Variants in VPS13C observed in about 807,000 individuals in gnomAD.
VPS13C encodes intermembrane lipid transfer protein VPS13C.
VPS13C carries 358 observed loss-of-function variants against 456.8 expected under a neutral mutation model. The observed-to-expected ratio is 0.78, with a 90% CI of 0.72 to 0.86. The LOEUF (loss-of-function observed/expected upper bound fraction) is 0.86, where lower values mean the gene tolerates loss of function less well. VPS13C is among the 40% of genes least tolerant of loss of function. The probability of loss-of-function intolerance (pLI) is 0.00; values close to 1 mark genes in which losing one functional copy is unlikely to be tolerated. For synonymous variants in VPS13C, 1,578 were observed against 1,486.7 expected, an observed-to-expected ratio of 1.06 and a Z score of -1.41; for missense variants, 4,818 against 4,385.4, an observed-to-expected ratio of 1.10 and a Z score of -2.79.
intron 83 of VPS13C, among the ~76,000 whole-genome samples, chr15:61,855,278 C>A (rs888238834): frequency 1.3e-5 from 2 of 152,154 alleles, no homozygotes; most frequent in African/African-American, 2.4e-5. Flanking sequence ...TCCTTCATTT[C>A]TTTGGCTGAT....
chr15:62,017,319 G>A (rs2047291909), intron 9 of VPS13C, among the ~76,000 whole-genome samples: 1 of 152,092 alleles, frequency 6.6e-6, no homozygotes, highest in Admixed American at 6.6e-5. Context: ...TTTGGCTTTT[G>A]TTGCCATTGC....
intron 18 of VPS13C, among the ~76,000 whole-genome samples, chr15:61,989,672 T>A (rs28810829): frequency 0.067 from 10,148 of 152,170 alleles, 666 homozygotes; most frequent in African/African-American, 0.17. Context: ...CAAAACCTCT[T>A]TAGTCATCCA....
chr15:61,961,812 C>T lies in VPS13C; in HGVS notation c.3685G>A (p.Val1229Met), dbSNP rs766371434. ...AAACTCCTCTGGGCAAGATCTTTCACACTTGTGGCAGCCCTTTCTGCAGCC... is the reference window on the plus strand; with the variant it reads ...AAACTCCTCTGGGCAAGATCTTTCATACTTGTGGCAGCCCTTTCTGCAGCC... ...AQAAERAATS[V>M]KDLAQRSFRV... The change falls in exon 35 of 85, where the codon GTG (valine) becomes ATG (methionine). Residue 1229 changes from valine to methionine, a missense_variant. Physicochemically the swap from Val to Met is conservative, Grantham distance 21. Transcript: ENST00000644861. The T allele has an allele frequency of 6.2e-7, 1 of 1,613,954 alleles. No homozygotes were observed. Among genetic ancestry groups the T allele is most frequent in the Non-Finnish European group, 8.5e-7 (1 of 1,179,972 alleles).
intron 9 of VPS13C, among the ~76,000 whole-genome samples, chr15:62,016,025 CTCTT>C (rs1457181315): frequency 2.1e-5 from 3 of 144,120 alleles, no homozygotes; most frequent in East Asian, 4.3e-4. Context: ...CTTCAGCTCT[CTCTT>C]TTTCTTTATT....
At chr15:61,985,068 A>C (rs1399321673) in intron 18 of VPS13C, 69 bp from the exon 19 acceptor site, 3 of 1,217,868 alleles carry the variant, frequency 2.5e-6, no homozygotes, top group East Asian at 3.0e-5. Flanking sequence ...ATAATTTCTT[A>C]TTTAAATTTG....
chr15:61,877,337 ATTCT>A (rs1196934816), intron 74 of VPS13C, among the ~76,000 whole-genome samples: 1 of 151,482 alleles, frequency 6.6e-6, no homozygotes, highest in Non-Finnish European at 1.5e-5. Context: ...CGCACTTAGA[ATTCT>A]TTCTTTTATA....
chr15:61,961,976 G>C (rs1007549732), intron 34 of VPS13C, 83 bp from the exon 35 acceptor site: 3 of 1,435,558 alleles, frequency 2.1e-6, no homozygotes, highest in Admixed American at 5.0e-5. Flanking sequence ...TCATACATGT[G>C]GTAACTTTTT....
chr15:61,867,998 T>C lies in VPS13C; in HGVS notation c.10863+661A>G, dbSNP rs1027023983. Reference sequence around the variant, plus strand: ...ATAAAGTTAGAAGCATGCAGAAAGATAGATAAAACGTAATCATATACAATA... The same window carrying C: ...ATAAAGTTAGAAGCATGCAGAAAGACAGATAAAACGTAATCATATACAATA... On this transcript the variant is annotated intron_variant, in intron 81 of 84. Transcript: ENST00000644861. The surrounding 1 kb of genome is among the most constrained non-coding windows in gnomAD (Gnocchi z 5.0). The C allele has an allele frequency of 2.3e-5, 28 of 1,239,334 alleles. No individual in the cohort carries two copies. The highest frequency in any genetic ancestry group is 2.9e-5 in the Non-Finnish European group (25 of 847,946). 76.8% of individuals were successfully genotyped at this position (1,239,334 alleles called of 1,614,324 possible).
chr15:61,967,263 CTG>C (rs2045406135), intron 29 of VPS13C, 103 bp downstream of exon 29: 4 of 908,166 alleles, frequency 4.4e-6, no homozygotes, highest in Non-Finnish European at 5.0e-6. Context: ...TAATTAGAAA[CTG>C]TGATACACAT....
intron 25 of VPS13C, 66 bp from the exon 26 acceptor site, chr15:61,973,598 G>A: frequency 8.5e-7 from 1 of 1,183,236 alleles, no homozygotes; most frequent in Non-Finnish European, 1.3e-6. Context: ...TCATAAATGA[G>A]AGGAAGACTA....
Position 62,060,408 on chromosome 15 carries a change from G to T in VPS13C, c.-34C>A, listed in dbSNP as rs372165482. ...TGAGGCACAAGGAGAGGGAGGAGCC[G>T]GAACCGCCCGGCGCAGCTGAGGGCT... On this transcript the variant is annotated 5_prime_UTR_variant, in exon 1 of 85. Coordinates refer to ENST00000644861, the MANE Select transcript of VPS13C (RefSeq NM_020821.3). 9 of 1,171,428 alleles carry T rather than the reference G, an allele frequency of 7.7e-6. No homozygotes were observed. Among genetic ancestry groups the T allele is most frequent in the African/African-American group, 3.2e-5 (2 of 62,970 alleles). 72.6% of individuals were successfully genotyped at this position (1,171,428 alleles called of 1,614,324 possible).
chr15:62,036,195 G>A (rs1391862605), intron 3 of VPS13C, among the ~76,000 whole-genome samples: 1 of 151,754 alleles, frequency 6.6e-6, no homozygotes, highest in Admixed American at 6.6e-5. Context: ...AGATTTTCAG[G>A]AGAAAAGAAT....
chr15:61,911,461 A>G (rs1200389688), intron 63 of VPS13C, among the ~76,000 whole-genome samples: 1 of 152,202 alleles, frequency 6.6e-6, no homozygotes, highest in Non-Finnish European at 1.5e-5. Flanking sequence ...CCTATAACTT[A>G]GGATGTGCTA....
intron 1 of VPS13C, among the ~76,000 whole-genome samples, chr15:62,045,896 G>GT (rs1317506027): frequency 6.6e-6 from 1 of 152,042 alleles, no homozygotes; most frequent in Non-Finnish European, 1.5e-5. Flanking sequence ...AGAATATTGA[G>GT]TTTTTTAAAA....
intron 47 of VPS13C, 73 bp from the exon 48 acceptor site, chr15:61,936,823 T>C: frequency 7.0e-7 from 1 of 1,426,314 alleles, no homozygotes; most frequent in South Asian, 1.5e-5. Flanking sequence ...TATCTCGATT[T>C]GTGGTTTTTC....
intron 13 of VPS13C, among the ~76,000 whole-genome samples, chr15:62,009,618 C>T (rs2046975183): frequency 6.6e-6 from 1 of 152,034 alleles, no homozygotes; most frequent in Admixed American, 6.6e-5. Context: ...TTTCTTTTTA[C>T]ATTGTTAACA....
At chr15:62,015,596 A>G (rs1206133871) in intron 9 of VPS13C, among the ~76,000 whole-genome samples, 15 of 142,870 alleles carry the variant, frequency 1.0e-4, no homozygotes, top group African/African-American at 4.1e-4. Flanking sequence ...CTATGCAGCC[A>G]TAAAAAATGA....
intron 75 of VPS13C, 144 bp downstream of exon 75, chr15:61,876,829 T>C (rs936439222): frequency 5.5e-6 from 3 of 541,228 alleles, no homozygotes; most frequent in Non-Finnish European, 6.0e-6. Flanking sequence ...AAACAGAAAT[T>C]AATCATTGAA....
intron 9 of VPS13C, among the ~76,000 whole-genome samples, chr15:62,015,127 C>G (rs1402304506): frequency 1.3e-5 from 2 of 152,114 alleles, no homozygotes; most frequent in Non-Finnish European, 2.9e-5. Flanking sequence ...TTACTCTGCT[C>G]CCTTATGACC....
Sources: gnomAD v4.1 joint callset for allele counts (sites outside exome capture counted in the v4.1 genomes callset) on GRCh38, gnomAD v4.1.1 for gene constraint, Gnocchi (gnomAD v3.1) non-coding constraint, MANE v1.5 for transcripts, NCBI Gene and HGNC (gene_info 2026-07-23, HGNC 2026-07-21) for gene names.